Variants in RORB observed in about 807,000 individuals in gnomAD.
RORB encodes the protein RAR related orphan receptor B.
Under a neutral mutation model 59.1 loss-of-function variants are expected in RORB, and 6 were observed. The ratio of observed to expected loss-of-function variants is 0.10; its 90% CI spans 0.06 to 0.20. RORB has a LOEUF of 0.20. Ranked by LOEUF, RORB falls within the 10% of genes least tolerant of loss-of-function variation. The probability of loss-of-function intolerance (pLI) is 1.00; values close to 1 mark genes in which losing one functional copy is unlikely to be tolerated. For missense variants in RORB, 320 were observed against 560.5 expected, an observed-to-expected ratio of 0.57 and a Z score of 4.33; for synonymous variants, 215 against 204.5, an observed-to-expected ratio of 1.05 and a Z score of -0.44.
At chr9:74,646,512 T>C (rs1308166461) in intron 4 of RORB, among the ~76,000 whole-genome samples, 1 of 152,196 alleles carries the variant, frequency 6.6e-6, no homozygotes, top group Non-Finnish European at 1.5e-5. Context: ...ATGATAATGT[T>C]TGATATATGG....
chr9:74,550,078 T>C (rs1826583549), intron 1 of RORB, among the ~76,000 whole-genome samples: 1 of 152,186 alleles, frequency 6.6e-6, no homozygotes, highest in Non-Finnish European at 1.5e-5. Context: ...AGCAATTGCA[T>C]CAATTTAGAA....
intron 1 of RORB, among the ~76,000 whole-genome samples, chr9:74,574,569 A>T (rs544173777): frequency 6.6e-6 from 1 of 152,276 alleles, no homozygotes; most frequent in Non-Finnish European, 1.5e-5. Flanking sequence ...GTGTGTCTTT[A>T]GGCCTTCACC....
intron 1 of RORB, among the ~76,000 whole-genome samples, chr9:74,609,310 C>T (rs755303346): frequency 8.5e-5 from 13 of 152,200 alleles, no homozygotes; most frequent in Non-Finnish European, 1.5e-4. Context: ...GAACCCTCTT[C>T]TAATGCTGAC....
intron 1 of RORB, among the ~76,000 whole-genome samples, chr9:74,538,718 G>C (rs1417991317): frequency 8.3e-6 from 1 of 120,108 alleles, no homozygotes; most frequent in Non-Finnish European, 1.7e-5. Flanking sequence ...TACAGCAAAA[G>C]ACAAAGATGC....
chr9:74,603,211 C>A (rs1823096089), intron 1 of RORB, among the ~76,000 whole-genome samples: 1 of 152,146 alleles, frequency 6.6e-6, no homozygotes, highest in Non-Finnish European at 1.5e-5. Flanking sequence ...GATGCCCAAC[C>A]TTCAGTGATG....
At chr9:74,667,989 A>G (rs1323640812) in intron 8 of RORB, 88 bp downstream of exon 8, 5 of 791,854 alleles carry the variant, frequency 6.3e-6, no homozygotes, top group Admixed American at 2.0e-5. Context: ...CAAAGTGTTC[A>G]GGAGAAACTT....
At chr9:74,588,473 T>C (rs998446930) in intron 1 of RORB, among the ~76,000 whole-genome samples, 4 of 152,298 alleles carry the variant, frequency 2.6e-5, no homozygotes, top group African/African-American at 9.6e-5. Flanking sequence ...AATCTACACA[T>C]AAAATAATGA....
At chr9:74,529,802 A>G (rs1035534262) in intron 1 of RORB, among the ~76,000 whole-genome samples, 2 of 151,928 alleles carry the variant, frequency 1.3e-5, no homozygotes, top group Non-Finnish European at 1.5e-5. Flanking sequence ...TAGATTTTTA[A>G]AATTAAATTG....
At chr9:74,519,716 A>G (rs773439016) in intron 1 of RORB, among the ~76,000 whole-genome samples, 8 of 151,946 alleles carry the variant, frequency 5.3e-5, no homozygotes, top group Admixed American at 3.3e-4. Context: ...GCTCGGGTTC[A>G]TTGGTTTTTA....
intron 1 of RORB, among the ~76,000 whole-genome samples, chr9:74,550,785 G>A (rs1248443196): frequency 1.3e-5 from 2 of 152,188 alleles, no homozygotes; most frequent in African/African-American, 4.8e-5. Flanking sequence ...TCTCTTCTAT[G>A]AGCATTTAGA....
intron 1 of RORB, among the ~76,000 whole-genome samples, chr9:74,530,808 T>C (rs951796362): frequency 6.6e-5 from 10 of 152,100 alleles, no homozygotes; most frequent in South Asian, 2.1e-4. Flanking sequence ...TGTGCCACGT[T>C]GGTGTGCTGC....
intron 1 of RORB, among the ~76,000 whole-genome samples, chr9:74,571,212 C>T (rs964892133): frequency 3.3e-5 from 5 of 151,962 alleles, no homozygotes; most frequent in African/African-American, 1.2e-4. Context: ...TTAAAATGCA[C>T]ATTGTCTCGA....
rs1365145005 is a variant in RORB at position 74,685,508 on chromosome 9, G to A, written c.1270G>A (p.Gly424Arg). The change falls in exon 10 of 10, where the codon GGG becomes AGG. Residue 424 changes from glycine to arginine, a missense_variant. Physicochemically the swap from Gly to Arg is moderately radical, Grantham distance 125. Coordinates refer to ENST00000376896, the MANE Select transcript of RORB (RefSeq NM_006914.4). ...PTITAVCNLHGEKLQVFKQSH... is the reference protein window; with the variant it reads ...PTITAVCNLHREKLQVFKQSH... ...CATCACGGCAGTTTGCAACTTGCAC[G>A]GGGAGAAGCTGCAGGTATTTAAGCA... The A allele has an allele frequency of 2.5e-6, 4 of 1,613,158 alleles. No homozygotes were observed. The highest frequency in any genetic ancestry group is 3.4e-6 in the Non-Finnish European group (4 of 1,179,358).
intron 1 of RORB, among the ~76,000 whole-genome samples, chr9:74,501,826 C>A (rs767199758): frequency 4.6e-5 from 7 of 152,064 alleles, no homozygotes; most frequent in Non-Finnish European, 8.8e-5. Flanking sequence ...CTAACAATCA[C>A]GAATTGGGAA....
intron 1 of RORB, among the ~76,000 whole-genome samples, chr9:74,596,189 T>C (rs921746658): frequency 3.3e-5 from 5 of 152,202 alleles, no homozygotes; most frequent in African/African-American, 1.2e-4. Flanking sequence ...AAAACACCTG[T>C]ACTTTAGAAG....
chr9:74,659,505 CTTCGT>C lies in RORB; in HGVS notation c.638-1109_638-1105del, dbSNP rs932470343. 1.8e-3 allele frequency among the ~76,000 whole-genome samples: 270 copies of C among 149,194 alleles called. 3 individuals are homozygous for C. Among genetic ancestry groups the C allele is most frequent in the African/African-American group, 6.4e-3 (260 of 40,846 alleles). ...GCTTGTTTTGTTTTGTTTTGTTTTG[CTTCGT>C]TTTGTTTTGTTTTTGAGATGGAGTC... is the stretch of plus-strand genomic sequence containing the variant. On this transcript the variant is annotated intron_variant, in intron 4 of 9. Transcript: ENST00000376896.
intron 1 of RORB, among the ~76,000 whole-genome samples, chr9:74,604,358 A>G (rs944687739): frequency 2.0e-5 from 3 of 152,210 alleles, no homozygotes; most frequent in Non-Finnish European, 4.4e-5. Context: ...GCAGCTGTGC[A>G]TTCAACACAT....
intron 1 of RORB, among the ~76,000 whole-genome samples, chr9:74,549,600 GGAAGGAAGAAAGGAAGGAAGGA>G (rs1563934581): frequency 1.5e-4 from 8 of 52,204 alleles, no homozygotes; most frequent in African/African-American, 7.8e-4. Context: ...AAGGAAGGAA[GGAAGGAAGAAAGGAAGGAAGGA>G]AGGAAGAAAG....
intron 3 of RORB, among the ~76,000 whole-genome samples, chr9:74,640,513 G>C (rs1419167168): frequency 6.6e-6 from 1 of 151,974 alleles, no homozygotes; most frequent in Non-Finnish European, 1.5e-5. Flanking sequence ...TCGATCTCCT[G>C]ACCTCGTGAT....
Sources: allele counts gnomAD v4.1 joint callset (sites outside exome capture counted in the v4.1 genomes callset), GRCh38; gene constraint gnomAD v4.1.1; transcripts MANE v1.5; gene names NCBI Gene and HGNC (gene_info 2026-07-23, HGNC 2026-07-21).